The following IP6K1 variants were observed in gnomAD, a reference collection of about 807,000 sequenced individuals.
IP6K1 encodes the protein inositol hexakisphosphate kinase 1.
A neutral mutation model predicts 38.3 loss-of-function variants in IP6K1; 13 were observed. The ratio of observed to expected loss-of-function variants is 0.34; its 90% CI spans 0.22 to 0.54. The LOEUF is 0.54. IP6K1 is among the 20% of genes least tolerant of loss of function. IP6K1 has a pLI of 0.92. For synonymous variants in IP6K1, 212 were observed against 229.9 expected (o/e 0.92, Z 0.70); for missense variants, 397 against 599.8 (o/e 0.66, Z 3.53).
At chr3:49,732,680 T>C (rs2080573523) in intron 4 of IP6K1, 111 bp downstream of exon 4, 1 of 782,554 alleles carries the variant, frequency 1.3e-6, no homozygotes, top group Non-Finnish European at 2.0e-6. Context: ...AAAAGGGAGA[T>C]TAAACCGAAG....
chr3:49,735,161 C>G (rs550396557), intron 3 of IP6K1, among the ~76,000 whole-genome samples: 97 of 152,238 alleles, frequency 6.4e-4, no homozygotes, highest in Non-Finnish European at 1.2e-3. Context: ...TTCAGACCAC[C>G]CCGGGCAACA....
intron 1 of IP6K1, among the ~76,000 whole-genome samples, chr3:49,750,415 C>A (rs890242602): frequency 2.0e-5 from 3 of 152,122 alleles, no homozygotes; most frequent in African/African-American, 7.2e-5. Flanking sequence ...AGGAAATAGG[C>A]CGGGTGCAGT....
intron 3 of IP6K1, among the ~76,000 whole-genome samples, chr3:49,735,759 G>A (rs1412265998): frequency 6.6e-6 from 1 of 152,180 alleles, no homozygotes; most frequent in East Asian, 1.9e-4. Context: ...ACTGAGTGAG[G>A]AGAACTGGAA....
chr3:49,741,597 TA>T (rs1465508645), intron 2 of IP6K1, among the ~76,000 whole-genome samples: 1 of 152,186 alleles, frequency 6.6e-6, no homozygotes, highest in Non-Finnish European at 1.5e-5. Flanking sequence ...AAGCCAGAAA[TA>T]AACACACTGC....
chr3:49,782,170 G>A (rs2081071253), intron 1 of IP6K1, among the ~76,000 whole-genome samples: 1 of 121,482 alleles, frequency 8.2e-6, no homozygotes, highest in African/African-American at 3.4e-5. Flanking sequence ...TGGAAAGTCT[G>A]CTTTTTCTTT....
chr3:49,784,501 C>T lies in IP6K1; in HGVS notation c.-129+1853G>A, dbSNP rs558798179. Among the ~76,000 whole-genome samples, 6 of 151,914 alleles carry T rather than the reference C, an allele frequency of 3.9e-5. No homozygotes were observed. The South Asian group carries it at 6.2e-4, about 16-fold the overall frequency. ...CTCTACTAAAAATACAGAAATTAGCCGGGCATGGTGGCACGCACCTGTAAT... is the reference window on the plus strand; with the variant it reads ...CTCTACTAAAAATACAGAAATTAGCTGGGCATGGTGGCACGCACCTGTAAT... On this transcript the variant is annotated intron_variant, in intron 1 of 5. Transcript: ENST00000321599.
chr3:49,732,029 T>G (rs560053643), intron 4 of IP6K1, among the ~76,000 whole-genome samples: 1 of 152,148 alleles, frequency 6.6e-6, no homozygotes, highest in Admixed American at 6.6e-5. Flanking sequence ...CTCGACTTCC[T>G]GGGCTCAAGC....
At chr3:49,766,257 C>T (rs1236063897) in intron 1 of IP6K1, among the ~76,000 whole-genome samples, 10 of 152,026 alleles carry the variant, frequency 6.6e-5, no homozygotes, top group East Asian at 5.8e-4. Context: ...CCCAGCATCT[C>T]GGGAGTCTGG....
At position 49,748,111 on chromosome 3, in the gene IP6K1, G is replaced by C. The variant is rs1356186599; in HGVS notation, c.-71C>G. 3 of 1,529,058 alleles carry C rather than the reference G, an allele frequency of 2.0e-6. No homozygotes were observed. The highest frequency in any genetic ancestry group is 1.8e-6 in the Non-Finnish European group (2 of 1,108,024). The allele number at this position is 1,529,058 out of a possible 1,614,324, so 94.7% of individuals were successfully genotyped here. On this transcript the variant is annotated 5_prime_UTR_variant, in exon 2 of 6. Coordinates refer to ENST00000321599, the MANE Select transcript of IP6K1 (RefSeq NM_153273.4). The stretch of plus-strand genomic sequence containing the variant: ...TGGGCCACAAAAGGAGAGCTACATA[G>C]AAGGTCCTGGCCAGGTGAAAGCCAA...
At chr3:49,732,611 T>C (rs2080572441) in intron 4 of IP6K1, among the ~76,000 whole-genome samples, 180 bp downstream of exon 4, 1 of 151,476 alleles carries the variant, frequency 6.6e-6, no homozygotes, top group South Asian at 2.1e-4. Context: ...CCTTACCAAA[T>C]CCAAAAGGCA....
chr3:49,751,126 GAAATAGCA>G (rs1371519497), intron 1 of IP6K1, among the ~76,000 whole-genome samples: 1 of 149,036 alleles, frequency 6.7e-6, no homozygotes, highest in African/African-American at 2.5e-5. Context: ...CCCATCCCTG[GAAATAGCA>G]ACGGCTCTGA....
chr3:49,765,596 G>C (rs1432395071), intron 1 of IP6K1, among the ~76,000 whole-genome samples: 1 of 147,912 alleles, frequency 6.8e-6, no homozygotes, highest in African/African-American at 2.5e-5. Context: ...GTTGCAGGGA[G>C]CTGAGATCGC....
At chr3:49,778,812 G>A (rs1020624035) in intron 1 of IP6K1, among the ~76,000 whole-genome samples, 1 of 151,836 alleles carries the variant, frequency 6.6e-6, no homozygotes, top group African/African-American at 2.4e-5. Flanking sequence ...TTTTTGTATC[G>A]ATGGGGTCTC....
At chr3:49,774,148 G>A (rs2080984974) in intron 1 of IP6K1, among the ~76,000 whole-genome samples, 1 of 152,096 alleles carries the variant, frequency 6.6e-6, no homozygotes, top group African/African-American at 2.4e-5. Flanking sequence ...GCTCATGCCT[G>A]TAATCCCAGC....
At position 49,727,965 on chromosome 3, in the gene IP6K1, C is replaced by A; in HGVS notation, c.792+138G>T. ...AGCAGACTCTCACAGTGGTCCTGCA[C>A]CTGAGGCCCATATCAAAGTCAACAG... On this transcript the variant is annotated intron_variant, in intron 5 of 5. Coordinates refer to ENST00000321599, the MANE Select transcript of IP6K1 (RefSeq NM_153273.4). This position sits in a 1 kb window ranked among gnomAD's most constrained non-coding sequence, Gnocchi z 5.9. 2 of 824,576 alleles carry A rather than the reference C, an allele frequency of 2.4e-6. No homozygotes were observed. The highest frequency in any genetic ancestry group is 3.9e-6 in the Non-Finnish European group (2 of 512,850). The allele number at this position is 824,576 out of a possible 1,614,324, so 51.1% of individuals were successfully genotyped here. A position where few individuals can be genotyped will look rare whatever the true frequency, so the allele number is the denominator to read the frequency against.
At chr3:49,738,596 C>T (rs1365466138) in intron 2 of IP6K1, among the ~76,000 whole-genome samples, 174 bp from the exon 3 acceptor site, 1 of 152,140 alleles carries the variant, frequency 6.6e-6, no homozygotes, top group Non-Finnish European at 1.5e-5. Context: ...AAATGGATGA[C>T]CGTCCATCCC....
intron 1 of IP6K1, among the ~76,000 whole-genome samples, chr3:49,779,970 G>A (rs1489773093): frequency 3.3e-5 from 5 of 152,020 alleles, no homozygotes; most frequent in African/African-American, 9.7e-5. Flanking sequence ...TTATGGGCAT[G>A]AGCTACGGCA....
intron 1 of IP6K1, among the ~76,000 whole-genome samples, chr3:49,752,226 G>A (rs374554054): frequency 1.4e-4 from 22 of 152,018 alleles, no homozygotes; most frequent in African/African-American, 5.1e-4. Context: ...AGTGCCTCAC[G>A]CCTGTAATCC....
At chr3:49,781,025 A>T (rs1369106320) in intron 1 of IP6K1, among the ~76,000 whole-genome samples, 2 of 152,192 alleles carry the variant, frequency 1.3e-5, no homozygotes, top group Non-Finnish European at 2.9e-5. Context: ...AGTCCCTGTC[A>T]GAAAAGGATT....
Sources: gnomAD v4.1 joint callset for allele counts (sites outside exome capture counted in the v4.1 genomes callset) on GRCh38, gnomAD v4.1.1 for gene constraint, Gnocchi (gnomAD v3.1) non-coding constraint, MANE v1.5 for transcripts, NCBI Gene and HGNC (gene_info 2026-07-23, HGNC 2026-07-21) for gene names.